Variants in DGKB observed in about 807,000 individuals in gnomAD.
DGKB encodes the protein 90 kDa diacylglycerol kinase.
In DGKB, 67 loss-of-function variants were observed where a neutral mutation model predicts 114.3. The ratio of observed to expected loss-of-function variants is 0.59; its 90% CI spans 0.48 to 0.72. The LOEUF (loss-of-function observed/expected upper bound fraction) is 0.72, where lower values mean the gene tolerates loss of function less well. Ranked by LOEUF, DGKB falls within the 30% of genes least tolerant of loss-of-function variation. The pLI, the probability that DGKB is intolerant of heterozygous loss-of-function variation, is 0.00. For missense variants in DGKB, 907 were observed against 975.2 expected (o/e 0.93, Z 0.93); for synonymous variants, 398 against 323.1 (o/e 1.23, Z -2.49).
At chr7:14,748,642 A>C (rs1403231292) in intron 4 of DGKB, among the ~76,000 whole-genome samples, 1 of 152,198 alleles carries the variant, frequency 6.6e-6, no homozygotes, top group Non-Finnish European at 1.5e-5. Flanking sequence ...AGCATACAGG[A>C]TATTAGATCA....
intron 21 of DGKB, among the ~76,000 whole-genome samples, chr7:14,472,835 C>A (rs551654982): frequency 2.0e-5 from 3 of 152,108 alleles, no homozygotes; most frequent in South Asian, 4.2e-4. Flanking sequence ...TTTGTCCCTG[C>A]CCTAGAGATT....
chr7:14,461,322 G>GTT (rs35867012), intron 21 of DGKB, among the ~76,000 whole-genome samples: 81 of 145,248 alleles, frequency 5.6e-4, no homozygotes, highest in African/African-American at 1.8e-3. Flanking sequence ...TCCAGGAGCT[G>GTT]TTTTTTTTTT....
intron 2 of DGKB, among the ~76,000 whole-genome samples, chr7:14,774,345 C>A (rs1837847888): frequency 6.6e-6 from 1 of 152,182 alleles, no homozygotes; most frequent in South Asian, 2.1e-4. Flanking sequence ...CCAAGCACTA[C>A]AGAAGTATAA....
chr7:14,609,257 C>A (rs111525230), intron 16 of DGKB, among the ~76,000 whole-genome samples: 2 of 152,120 alleles, frequency 1.3e-5, no homozygotes, highest in African/African-American at 4.8e-5. Context: ...TTCATCTGAT[C>A]TTCAACAAGG....
intron 1 of DGKB, among the ~76,000 whole-genome samples, chr7:14,884,538 C>A (rs217577): frequency 4.0e-5 from 6 of 151,790 alleles, no homozygotes; most frequent in Admixed American, 6.6e-5. Flanking sequence ...AGATAAATAT[C>A]TTCCCTGACA....
At chr7:14,784,429 T>A (rs1839578893) in intron 2 of DGKB, among the ~76,000 whole-genome samples, 1 of 151,126 alleles carries the variant, frequency 6.6e-6, no homozygotes, top group African/African-American at 2.4e-5. Context: ...AGGCAGTGGT[T>A]CGATCTTGGC....
At chr7:14,787,660 C>T (rs548455381) in intron 2 of DGKB, among the ~76,000 whole-genome samples, 1 of 152,300 alleles carries the variant, frequency 6.6e-6, no homozygotes, top group East Asian at 1.9e-4. Context: ...GTCACCAGCT[C>T]TTCTCCACCC....
intron 1 of DGKB, among the ~76,000 whole-genome samples, chr7:14,865,453 C>G (rs1851570679): frequency 6.6e-6 from 1 of 152,140 alleles, no homozygotes; most frequent in African/African-American, 2.4e-5. Flanking sequence ...ATTGGCCATC[C>G]CAATGTGGAC....
intron 13 of DGKB, among the ~76,000 whole-genome samples, chr7:14,659,884 C>G (rs1304624142): frequency 2.0e-5 from 3 of 152,088 alleles, no homozygotes; most frequent in Admixed American, 6.5e-5. Flanking sequence ...ATAGATAGCT[C>G]TAACTATTTT....
intron 20 of DGKB, among the ~76,000 whole-genome samples, chr7:14,553,761 TTCTC>T (rs1020206895): frequency 4.8e-4 from 73 of 152,206 alleles, no homozygotes; most frequent in African/African-American, 1.5e-3. Context: ...GAAGTTTTAT[TTCTC>T]TCTGTCTCCT....
intron 21 of DGKB, among the ~76,000 whole-genome samples, chr7:14,416,060 A>G (rs999773338): frequency 6.6e-6 from 1 of 152,062 alleles, no homozygotes; most frequent in African/African-American, 2.4e-5. Context: ...TTGGCTGCAT[A>G]AATGTCTTCT....
chr7:14,272,931 A>G (rs964634466), intron 23 of DGKB, among the ~76,000 whole-genome samples: 14 of 152,206 alleles, frequency 9.2e-5, no homozygotes, highest in Admixed American at 9.2e-4. Flanking sequence ...TATTTGGGGG[A>G]ATACATGGAA....
chr7:14,907,466 T>C (rs764676625), upstream of DGKB, among the ~76,000 whole-genome samples: 28 of 152,138 alleles, frequency 1.8e-4, no homozygotes, highest in Admixed American at 1.8e-3. Context: ...CACAGAGTGG[T>C]TGAGAGAATC....
At chr7:14,792,098 TTTC>T (rs1479713915) in intron 2 of DGKB, among the ~76,000 whole-genome samples, 1 of 152,116 alleles carries the variant, frequency 6.6e-6, no homozygotes, top group African/African-American at 2.4e-5. Flanking sequence ...TGCCTAGGGA[TTTC>T]TTTTTTGGAA....
At chr7:14,221,934 G>A (rs369507512) in intron 23 of DGKB, among the ~76,000 whole-genome samples, 13 of 151,188 alleles carry the variant, frequency 8.6e-5, no homozygotes, top group African/African-American at 3.1e-4. Flanking sequence ...GTTATCTGAT[G>A]TAGTGGCATT....
chr7:14,927,936 A>T (rs948917175), intron 1 of DGKB, among the ~76,000 whole-genome samples: 1 of 151,906 alleles, frequency 6.6e-6, no homozygotes, highest in Non-Finnish European at 1.5e-5. Context: ...AGTATCTTGG[A>T]TGCAATTTAT....
At chr7:14,264,053 T>C (rs1385891097) in intron 23 of DGKB, among the ~76,000 whole-genome samples, 2 of 152,092 alleles carry the variant, frequency 1.3e-5, no homozygotes, top group African/African-American at 4.8e-5. Flanking sequence ...ATTTTTGAAA[T>C]GTATCCAGGA....
intron 13 of DGKB, among the ~76,000 whole-genome samples, chr7:14,648,011 C>T (rs1334415425): frequency 6.6e-6 from 1 of 152,222 alleles, no homozygotes; most frequent in Admixed American, 6.5e-5. Context: ...CGGAGTCTCG[C>T]TGATTGCTAG....
chr7:14,300,454 G>A (rs920809962), intron 23 of DGKB, among the ~76,000 whole-genome samples: 2 of 152,094 alleles, frequency 1.3e-5, no homozygotes, highest in East Asian at 3.9e-4. Flanking sequence ...CAATGATATT[G>A]TTAAAATCAC....
Sources: gnomAD v4.1 joint callset for allele counts (sites outside exome capture counted in the v4.1 genomes callset) on GRCh38, gnomAD v4.1.1 for gene constraint, MANE v1.5 for transcripts, NCBI Gene and HGNC (gene_info 2026-07-23, HGNC 2026-07-21) for gene names.